Variants in WDR70 observed in about 807,000 individuals in gnomAD.
WDR70 encodes the protein WD repeat domain 70, also known as WD repeat-containing protein 70.
In WDR70, 53 loss-of-function variants were observed where a neutral mutation model predicts 88.6. That is an observed-to-expected ratio of 0.60 (90% CI 0.48 to 0.75). The LOEUF (loss-of-function observed/expected upper bound fraction) is 0.75, where lower values mean the gene tolerates loss of function less well. Ranked by LOEUF, WDR70 falls within the 30% of genes least tolerant of loss-of-function variation. The pLI, the probability that WDR70 is intolerant of heterozygous loss-of-function variation, is 0.00. For synonymous variants in WDR70, 280 were observed against 270.0 expected, an observed-to-expected ratio of 1.04 and a Z score of -0.36; for missense variants, 610 against 823.2, an observed-to-expected ratio of 0.74 and a Z score of 3.17.
At position 37,607,105 on chromosome 5, in the gene WDR70, G is replaced by T. The variant is rs1005067732; in HGVS notation, c.1092+1867G>T. Among the ~76,000 whole-genome samples, 19 of 151,530 alleles carry T rather than the reference G, an allele frequency of 1.3e-4. 1 individual carries two copies. In the South Asian group the frequency reaches 4.0e-3, roughly 32 times the overall value. On this transcript the variant is annotated intron_variant, in intron 10 of 17. Coordinates refer to ENST00000265107, the MANE Select transcript of WDR70 (RefSeq NM_018034.4). ...ATACAGGCCTGTACCACCACACCCAGCTAGTTTTTGTATTTTTGGTAGAGA... is the reference window on the plus strand; with the variant it reads ...ATACAGGCCTGTACCACCACACCCATCTAGTTTTTGTATTTTTGGTAGAGA...
chr5:37,516,402 C>T (rs1253665627), intron 8 of WDR70, 112 bp from the exon 9 acceptor site: 2 of 550,376 alleles, frequency 3.6e-6, no homozygotes, highest in Non-Finnish European at 6.5e-6. Flanking sequence ...AAATGGTGCC[C>T]TTTTGGGGGA....
At chr5:37,463,000 G>A (rs1051149463) in intron 7 of WDR70, among the ~76,000 whole-genome samples, 5 of 152,250 alleles carry the variant, frequency 3.3e-5, no homozygotes, top group South Asian at 4.1e-4. Context: ...AAGGCCAGGC[G>A]TGGTGGCTCA....
At chr5:37,743,194 C>T (rs546322037) in intron 17 of WDR70, among the ~76,000 whole-genome samples, 7 of 152,338 alleles carry the variant, frequency 4.6e-5, no homozygotes, top group South Asian at 2.1e-4. Context: ...GAGAGCCACA[C>T]GGGGAAGGGG....
At chr5:37,643,638 T>C (rs1745161204) in intron 10 of WDR70, among the ~76,000 whole-genome samples, 1 of 152,054 alleles carries the variant, frequency 6.6e-6, no homozygotes, top group African/African-American at 2.4e-5. Context: ...TATCTTTCCA[T>C]TTATTGTTGT....
chr5:37,608,276 G>A (rs970687602), intron 10 of WDR70, among the ~76,000 whole-genome samples: 1 of 151,968 alleles, frequency 6.6e-6, no homozygotes. Context: ...TCCTGACCTC[G>A]TGATCCGCCC....
rs76583804 is a variant in WDR70, at chr5:37,478,971, G to A, written c.687-863G>A. 8.0e-4 allele frequency among the ~76,000 whole-genome samples: 122 copies of A among 152,290 alleles called. 1 individual carries two copies. The highest frequency in any genetic ancestry group is 6.9e-3 in the Admixed American group (105 of 15,302). On this transcript the variant is annotated intron_variant, in intron 7 of 17. Transcript: ENST00000265107. ...GGTATTGTAGTGCTAAAGAACTAAA[G>A]GAGGAGATGAGGAGGCTTGAAAACT... is the stretch of plus-strand genomic sequence containing the variant.
intron 9 of WDR70, among the ~76,000 whole-genome samples, chr5:37,568,190 T>C (rs1294400703): frequency 1.3e-5 from 2 of 152,114 alleles, no homozygotes; most frequent in African/African-American, 4.8e-5. Flanking sequence ...TACAGGGGTG[T>C]AGTGAGTGAT....
At chr5:37,462,850 C>T (rs1301233110) in intron 7 of WDR70, among the ~76,000 whole-genome samples, 2 of 151,790 alleles carry the variant, frequency 1.3e-5, no homozygotes, top group African/African-American at 4.8e-5. Flanking sequence ...AGTATTATTT[C>T]TCATGTTTTT....
chr5:37,577,671 T>A (rs1488452581), intron 9 of WDR70, among the ~76,000 whole-genome samples: 1 of 151,458 alleles, frequency 6.6e-6, no homozygotes, highest in Admixed American at 6.6e-5. Context: ...GAAGAAGGAG[T>A]CAAGGATGAA....
At chr5:37,747,420 T>C in intron 17 of WDR70, among the ~76,000 whole-genome samples, 1 of 152,166 alleles carries the variant, frequency 6.6e-6, no homozygotes, top group East Asian at 1.9e-4. Flanking sequence ...TCTCAGTAGA[T>C]GCAGAAAAGG....
chr5:37,654,566 G>A (rs1019391120), intron 10 of WDR70, among the ~76,000 whole-genome samples: 2 of 152,156 alleles, frequency 1.3e-5, no homozygotes, highest in South Asian at 2.1e-4. Context: ...CACTGTTATT[G>A]TGTGAGAGTC....
intron 10 of WDR70, 74 bp downstream of exon 10, chr5:37,605,312 A>G: frequency 6.8e-7 from 1 of 1,467,324 alleles, no homozygotes; most frequent in Non-Finnish European, 9.1e-7. Context: ...ACAAAGACAA[A>G]CGTGTTAAAG....
chr5:37,530,131 C>G (rs1305180597), intron 9 of WDR70, among the ~76,000 whole-genome samples: 2 of 152,084 alleles, frequency 1.3e-5, no homozygotes, highest in Non-Finnish European at 2.9e-5. Flanking sequence ...CATTTATTGA[C>G]TTGCGGATGT....
intron 6 of WDR70, among the ~76,000 whole-genome samples, chr5:37,438,414 A>G (rs2142324): frequency 0.88 from 133,703 of 152,044 alleles, 61,302 homozygotes; most frequent in East Asian, 1. Context: ...CTAAGTATTT[A>G]TTAATACTTA....
At position 37,573,389 on chromosome 5, in the gene WDR70, T is replaced by TC. The variant is rs372288771; in HGVS notation, c.918-31674dup. On this transcript the variant is annotated intron_variant, in intron 9 of 17. Coordinates refer to ENST00000265107, the MANE Select transcript of WDR70 (RefSeq NM_018034.4). ...CCCTCAGTTACTGCCTCTTTTTTTTTCTTATGATACTTTATGTTTTAGGGT... is the reference window on the plus strand; with the variant it reads ...CCCTCAGTTACTGCCTCTTTTTTTTTCCTTATGATACTTTATGTTTTAGGGT... Among the ~76,000 whole-genome samples, 16 of 152,334 alleles carry TC rather than the reference T, an allele frequency of 1.1e-4. No homozygotes were observed. The East Asian group carries it at 3.1e-3, about 29-fold the overall frequency.
chr5:37,732,487 G>A (rs1181325239), intron 17 of WDR70, among the ~76,000 whole-genome samples: 2 of 152,070 alleles, frequency 1.3e-5, no homozygotes, highest in African/African-American at 4.8e-5. Context: ...ATCTTTGGAT[G>A]TAGGTATTTG....
At chr5:37,415,261 A>C (rs951813746) in intron 5 of WDR70, among the ~76,000 whole-genome samples, 1 of 151,840 alleles carries the variant, frequency 6.6e-6, no homozygotes, top group Non-Finnish European at 1.5e-5. Flanking sequence ...CAAAACCGCC[A>C]TTGTCATCAT....
At chr5:37,487,619 ATATATGTATTTTT>A (rs1561871955) in intron 8 of WDR70, among the ~76,000 whole-genome samples, 2 of 93,546 alleles carry the variant, frequency 2.1e-5, no homozygotes, top group Non-Finnish European at 4.2e-5. Context: ...ATATATATAT[ATATATGTATTTTT>A]TTTTTTTTTT....
At chr5:37,469,791 CT>C (rs1739268684) in intron 7 of WDR70, among the ~76,000 whole-genome samples, 1 of 152,130 alleles carries the variant, frequency 6.6e-6, no homozygotes, top group Admixed American at 6.5e-5. Context: ...CCCATTTGAC[CT>C]TTTAACAAAT....
Sources: gnomAD v4.1 joint callset for allele counts (sites outside exome capture counted in the v4.1 genomes callset) on GRCh38, gnomAD v4.1.1 for gene constraint, MANE v1.5 for transcripts, NCBI Gene and HGNC (gene_info 2026-07-23, HGNC 2026-07-21) for gene names.